The following LIN52 variants were observed in gnomAD, a reference collection of about 807,000 sequenced individuals.
LIN52 encodes protein lin-52 homolog.
In LIN52, 4 loss-of-function variants were observed where a neutral mutation model predicts 18.5. The ratio of observed to expected loss-of-function variants is 0.22; its 90% confidence interval spans 0.11 to 0.49. LIN52 has a LOEUF of 0.49. Among genes scored for constraint, LIN52 ranks in the 20% least tolerant of loss-of-function variants. LIN52 has a pLI of 0.97. For missense variants in LIN52, 102 were observed against 139.5 expected (o/e 0.73, Z 1.35); for synonymous variants, 34 against 45.5 (o/e 0.75, Z 1.02).
intron 1 of LIN52, among the ~76,000 whole-genome samples, chr14:74,087,467 A>G (rs982310686): frequency 4.0e-5 from 6 of 150,064 alleles, no homozygotes; most frequent in African/African-American, 7.3e-5. Flanking sequence ...AGCCATCTCT[A>G]TGGTCACTTT....
chr14:74,130,278 G>C lies in LIN52; in HGVS notation c.283+29040G>C, dbSNP rs11623309. 2.7e-3 allele frequency among the ~76,000 whole-genome samples: 176 copies of C among 64,826 alleles called. 2 individuals carry two copies. Among genetic ancestry groups the C allele is most frequent in the Admixed American group, 7.0e-3 (32 of 4,582 alleles). 42.5% of individuals were successfully genotyped at this position (64,826 alleles called of 152,430 possible). ...GAATTTATTAGATAGGCATTTTTTG[G>C]TTTTTTTTTTTTTTTTTTGAGACAG... On this transcript the variant is annotated intron_variant, in intron 5 of 5. Transcript: ENST00000555028.
At chr14:74,175,748 A>ACACACACACACACACACACC (rs796441764) in intron 5 of LIN52, among the ~76,000 whole-genome samples, 38 of 98,732 alleles carry the variant, frequency 3.8e-4, no homozygotes, top group Admixed American at 9.4e-4. Context: ...ACACACACAC[A>ACACACACACACACACACACC]CACCCCCATT....
Position 74,097,801 on chromosome 14 carries a change from C to T in LIN52, c.140C>T (p.Thr47Ile). 1 of 1,609,614 alleles carries T rather than the reference C, an allele frequency of 6.2e-7. No homozygotes were observed. Among genetic ancestry groups the T allele is most frequent in the Admixed American group, 1.7e-5 (1 of 59,984 alleles). The stretch of plus-strand genomic sequence containing the variant: ...TATATTATTTTTTGACAGCCTATTA[C>T]TAGTTCTCCACCCAAATGGATGGCT... ...EFAASFKSPI[T>I]SSPPKWMAEI... Residue 47 changes from threonine (T) to isoleucine (I), a missense_variant, in exon 4 of 6, where the codon ACT becomes ATT. Coordinates refer to ENST00000555028, the MANE Select transcript of LIN52 (RefSeq NM_001024674.3).
intron 5 of LIN52, among the ~76,000 whole-genome samples, chr14:74,184,774 C>CT (rs1318017913): frequency 6.6e-6 from 1 of 152,126 alleles, no homozygotes; most frequent in Non-Finnish European, 1.5e-5. Context: ...TGACTGAGGA[C>CT]TTTTTTAAAA....
intron 5 of LIN52, among the ~76,000 whole-genome samples, chr14:74,154,092 A>G (rs996895521): frequency 3.9e-5 from 6 of 151,928 alleles, no homozygotes; most frequent in Non-Finnish European, 7.4e-5. Flanking sequence ...TCCATACTTT[A>G]TTCACATTTC....
At chr14:74,175,218 T>C (rs778588158) in intron 5 of LIN52, among the ~76,000 whole-genome samples, 5 of 151,996 alleles carry the variant, frequency 3.3e-5, no homozygotes, top group Admixed American at 6.6e-5. Flanking sequence ...TATGTTTCTT[T>C]GATAATAAAT....
At chr14:74,194,883 GC>G in intron 5 of LIN52, among the ~76,000 whole-genome samples, 1 of 152,346 alleles carries the variant, frequency 6.6e-6, no homozygotes, top group South Asian at 2.1e-4. Flanking sequence ...GGTGGCTCAT[GC>G]CTATAATCCT....
At chr14:74,154,004 G>A (rs943980064) in intron 5 of LIN52, among the ~76,000 whole-genome samples, 13 of 152,214 alleles carry the variant, frequency 8.5e-5, no homozygotes, top group African/African-American at 2.2e-4. Flanking sequence ...AAGAAGGAGC[G>A]TTCCCATATA....
intron 5 of LIN52, among the ~76,000 whole-genome samples, chr14:74,168,694 C>G (rs1387699614): frequency 6.6e-6 from 1 of 151,836 alleles, no homozygotes; most frequent in Non-Finnish European, 1.5e-5. Context: ...AATTAACCAG[C>G]TTTTCAAACA....
intron 5 of LIN52, among the ~76,000 whole-genome samples, chr14:74,141,065 T>G (rs1158795095): frequency 6.6e-6 from 1 of 152,218 alleles, no homozygotes; most frequent in Non-Finnish European, 1.5e-5. Flanking sequence ...ATAAGTGGTT[T>G]CTGGAGGAAA....
chr14:74,156,744 T>C (rs1400964181), intron 5 of LIN52, among the ~76,000 whole-genome samples: 3 of 152,172 alleles, frequency 2.0e-5, no homozygotes, highest in African/African-American at 7.2e-5. Context: ...TAGACCTTAG[T>C]TCCCCTACCT....
intron 5 of LIN52, among the ~76,000 whole-genome samples, chr14:74,195,058 A>C (rs62006789): frequency 0.31 from 46,751 of 152,028 alleles, 9,209 homozygotes; most frequent in Non-Finnish European, 0.42. Context: ...TGGCAGGAGA[A>C]TCACTTGAAC....
chr14:74,135,822 T>G (rs915803881), intron 5 of LIN52, among the ~76,000 whole-genome samples: 1 of 151,188 alleles, frequency 6.6e-6, no homozygotes, highest in Non-Finnish European at 1.5e-5. Context: ...ACAGGGAGTT[T>G]TTTTTTTTTA....
intron 5 of LIN52, among the ~76,000 whole-genome samples, chr14:74,108,023 C>T (rs2060907519): frequency 6.6e-6 from 1 of 152,148 alleles, no homozygotes; most frequent in Admixed American, 6.5e-5. Flanking sequence ...AGTCACTCCC[C>T]ATTACTTCCC....
At chr14:74,181,237 A>G (rs564913432) in intron 5 of LIN52, among the ~76,000 whole-genome samples, 1 of 152,090 alleles carries the variant, frequency 6.6e-6, no homozygotes, top group African/African-American at 2.4e-5. Flanking sequence ...TAAGGTCAGG[A>G]GTTCAAGACC....
chr14:74,107,097 A>T (rs759001662), intron 5 of LIN52, among the ~76,000 whole-genome samples: 3 of 152,112 alleles, frequency 2.0e-5, no homozygotes, highest in Non-Finnish European at 2.9e-5. Context: ...AGCTTCGGGA[A>T]ATTGTTCTTT....
intron 5 of LIN52, among the ~76,000 whole-genome samples, chr14:74,140,543 C>T (rs2061123908): frequency 6.6e-6 from 1 of 152,206 alleles, no homozygotes; most frequent in Admixed American, 6.5e-5. Flanking sequence ...AAATGACCCT[C>T]TCCAGTGCAG....
At chr14:74,145,177 T>C (rs2061148456) in intron 5 of LIN52, among the ~76,000 whole-genome samples, 1 of 152,222 alleles carries the variant, frequency 6.6e-6, no homozygotes, top group Admixed American at 6.5e-5. Context: ...GTCAATTAGC[T>C]GTTTCTCCAT....
intron 5 of LIN52, among the ~76,000 whole-genome samples, chr14:74,184,508 T>G (rs2061332851): frequency 1.3e-5 from 2 of 152,252 alleles, no homozygotes; most frequent in Admixed American, 1.3e-4. Context: ...TGCTTCATAA[T>G]GGTACTGTGT....
Sources: gnomAD v4.1 joint callset for allele counts (sites outside exome capture counted in the v4.1 genomes callset) on GRCh38, gnomAD v4.1.1 for gene constraint, MANE v1.5 for transcripts, NCBI Gene and HGNC (gene_info 2026-07-23, HGNC 2026-07-21) for gene names.